MBOAT2: variants seen among roughly 807,000 people sequenced by gnomAD.
MBOAT2 encodes membrane bound glycerophospholipid O-acyltransferase 2.
In MBOAT2, 28 loss-of-function variants were observed where a neutral mutation model predicts 63.4. That is an observed-to-expected ratio of 0.44 (90% CI 0.33 to 0.61). The LOEUF (loss-of-function observed/expected upper bound fraction) is 0.61. Ranked by LOEUF, MBOAT2 falls within the 20% of genes least tolerant of loss-of-function variation. The pLI is 0.03. For synonymous variants in MBOAT2, 211 were observed against 215.6 expected (o/e 0.98, Z 0.19); for missense variants, 470 against 605.8 (o/e 0.78, Z 2.35).
chr2:8,906,482 AGAAG>A (rs1231354027), intron 4 of MBOAT2, among the ~76,000 whole-genome samples: 1 of 152,240 alleles, frequency 6.6e-6, no homozygotes, highest in Non-Finnish European at 1.5e-5. Context: ...TGAAACCACA[AGAAG>A]GAAGGAGTCT....
chr2:8,911,502 A>C (rs1394275166), intron 3 of MBOAT2, among the ~76,000 whole-genome samples: 1 of 152,142 alleles, frequency 6.6e-6, no homozygotes, highest in Non-Finnish European at 1.5e-5. Context: ...CTCCTCTAAA[A>C]CTTCATGTAG....
rs1025506042 is a variant in MBOAT2, at chr2:8,852,745, A to C, written c.*5934T>G. On this transcript the variant is annotated 3_prime_UTR_variant, in exon 13 of 13. Coordinates refer to ENST00000305997, the MANE Select transcript of MBOAT2 (RefSeq NM_138799.4). ...AAGACACACAAATTAGAAAAAAAAA[A>C]CATGTCCTAAACATGTTACATGTAA... The C allele has an allele frequency of 2.0e-5, 3 of 152,170 alleles. No individual in the cohort carries two copies. Among genetic ancestry groups the C allele is most frequent in the Non-Finnish European group, 2.9e-5 (2 of 68,020 alleles). 9.4% of individuals were successfully genotyped at this position (152,170 alleles called of 1,614,324 possible).
chr2:8,861,757 A>T (rs1661515554), intron 11 of MBOAT2, among the ~76,000 whole-genome samples: 1 of 152,166 alleles, frequency 6.6e-6, no homozygotes, highest in Admixed American at 6.5e-5. Context: ...CACCTATGCT[A>T]CTTAGTATTT....
chr2:8,920,135 G>C (rs1005879718), intron 3 of MBOAT2, among the ~76,000 whole-genome samples: 2 of 152,118 alleles, frequency 1.3e-5, no homozygotes, highest in Non-Finnish European at 2.9e-5. Flanking sequence ...ACAAGTCACA[G>C]AGAATTTCTC....
At position 8,858,725 on chromosome 2, in the gene MBOAT2, T is replaced by A. The variant is rs143390233; in HGVS notation, c.1517A>T (p.Asn506Ile). Reference protein sequence around the residue: ...NSFSTTNNVCNQNQEIASRHS... With the variant: ...NSFSTTNNVCIQNQEIASRHS... Reference sequence around the variant, plus strand: ...TCTCGAGGCTATTTCTTGATTCTGATTGCAAACATTGTTTGTTGTAGAAAA... The same window carrying A: ...TCTCGAGGCTATTTCTTGATTCTGAATGCAAACATTGTTTGTTGTAGAAAA... Residue 506 changes from asparagine to isoleucine, a missense_variant, in exon 13 of 13, where the codon AAT becomes ATT. Asn to Ile is a moderately radical substitution (Grantham distance 149, BLOSUM62 -3). This residue lies in a region of MBOAT2 where 90 missense variants were observed against 84.9 expected (regional missense o/e 1.06). Transcript: ENST00000305997. 4 of 1,613,910 alleles carry A rather than the reference T, an allele frequency of 2.5e-6. No homozygotes were observed. The African/African-American group carries it at 5.3e-5, about 22-fold the overall frequency.
intron 3 of MBOAT2, among the ~76,000 whole-genome samples, chr2:8,911,223 T>C (rs1316875608): frequency 1.3e-5 from 2 of 152,194 alleles, no homozygotes; most frequent in Non-Finnish European, 2.9e-5. Flanking sequence ...AGAACTGTAC[T>C]TGAGGACCCA....
intron 9 of MBOAT2, among the ~76,000 whole-genome samples, chr2:8,867,718 TTA>T (rs151016911): frequency 0.012 from 1,857 of 152,312 alleles, 17 homozygotes; most frequent in Non-Finnish European, 0.019. Context: ...TCCAATATAT[TTA>T]TATGTTTCTA....
chr2:8,991,145 T>C (rs1265366840), intron 1 of MBOAT2, among the ~76,000 whole-genome samples: 1 of 152,174 alleles, frequency 6.6e-6, no homozygotes, highest in Non-Finnish European at 1.5e-5. Flanking sequence ...CCAAAGCTGA[T>C]AACTCCAGAG....
intron 1 of MBOAT2, among the ~76,000 whole-genome samples, chr2:8,976,422 G>A (rs530490997): frequency 6.6e-6 from 1 of 152,190 alleles, no homozygotes; most frequent in Admixed American, 6.5e-5. Flanking sequence ...TGAAGCCTAA[G>A]GAAGGGTTAA....
At chr2:8,995,532 C>T (rs564883969) in intron 1 of MBOAT2, among the ~76,000 whole-genome samples, 36 of 151,894 alleles carry the variant, frequency 2.4e-4, no homozygotes, top group Admixed American at 2.1e-3. Context: ...CACTGCCTTA[C>T]GTTTTGGCGA....
intron 1 of MBOAT2, among the ~76,000 whole-genome samples, chr2:8,975,746 G>A (rs1358236558): frequency 5.8e-5 from 8 of 138,498 alleles, no homozygotes; most frequent in Admixed American, 3.9e-4. Flanking sequence ...GGTTGTCCCC[G>A]CACTCACAAA....
chr2:8,921,646 C>G (rs904588394), intron 3 of MBOAT2, among the ~76,000 whole-genome samples: 1 of 152,156 alleles, frequency 6.6e-6, no homozygotes, highest in African/African-American at 2.4e-5. Context: ...AACCTTCATT[C>G]TTGAAGGATA....
chr2:8,951,814 TTC>T (rs779180718), intron 2 of MBOAT2, among the ~76,000 whole-genome samples: 3 of 152,228 alleles, frequency 2.0e-5, no homozygotes, highest in Non-Finnish European at 4.4e-5. Context: ...TATTTGGATT[TTC>T]TCTCTTTGTT....
chr2:8,868,845 C>T (rs1276175030), intron 8 of MBOAT2, among the ~76,000 whole-genome samples: 1 of 152,178 alleles, frequency 6.6e-6, no homozygotes, highest in Non-Finnish European at 1.5e-5. Flanking sequence ...CCAACATTAG[C>T]TGTGCCACTG....
chr2:8,991,069 A>G (rs1264570092), intron 1 of MBOAT2, among the ~76,000 whole-genome samples: 1 of 152,202 alleles, frequency 6.6e-6, no homozygotes, highest in Non-Finnish European at 1.5e-5. Flanking sequence ...CAGCTGTGTC[A>G]GTCCTAGTAT....
intron 2 of MBOAT2, among the ~76,000 whole-genome samples, chr2:8,947,059 G>A (rs990998050): frequency 1.3e-5 from 2 of 152,194 alleles, no homozygotes; most frequent in Non-Finnish European, 2.9e-5. Flanking sequence ...ACAAAGAAAA[G>A]GTTATGGAAG....
At chr2:8,935,338 T>C (rs1450070707) in intron 3 of MBOAT2, among the ~76,000 whole-genome samples, 6 of 152,340 alleles carry the variant, frequency 3.9e-5, no homozygotes, top group South Asian at 2.1e-4. Flanking sequence ...ACTCATTTGA[T>C]AGAACAGAAT....
intron 2 of MBOAT2, among the ~76,000 whole-genome samples, chr2:8,952,544 G>A (rs1668907567): frequency 6.6e-6 from 1 of 152,108 alleles, no homozygotes; most frequent in Non-Finnish European, 1.5e-5. Flanking sequence ...ATTAATGTGT[G>A]GCTAAGTCTT....
intron 2 of MBOAT2, among the ~76,000 whole-genome samples, chr2:8,946,532 C>G (rs894942333): frequency 2.0e-5 from 3 of 152,192 alleles, no homozygotes; most frequent in Non-Finnish European, 2.9e-5. Context: ...ATTTTTCCAA[C>G]TAGAAGGTTT....
Sources: gnomAD v4.1 joint callset for allele counts (sites outside exome capture counted in the v4.1 genomes callset) on GRCh38, gnomAD v4.1.1 for gene constraint, gnomAD v4.1.1 regional missense constraint, MANE v1.5 for transcripts, NCBI Gene and HGNC (gene_info 2026-07-23, HGNC 2026-07-21) for gene names.